Variants in GRIA1 observed in about 807,000 individuals in gnomAD.
GRIA1 encodes glutamate ionotropic receptor AMPA type subunit 1, also known as glutamate receptor 1.
In GRIA1, 31 loss-of-function variants were observed where a neutral mutation model predicts 99.2. The observed-to-expected ratio is 0.31, with a 90% CI of 0.23 to 0.42. The LOEUF (loss-of-function observed/expected upper bound fraction) is 0.42, where lower values mean the gene tolerates loss of function less well. Among genes scored for constraint, GRIA1 ranks in the 10% least tolerant of loss-of-function variants. The pLI, the probability that GRIA1 is intolerant of heterozygous loss-of-function variation, is 1.00. For synonymous variants in GRIA1, 438 were observed against 432.4 expected (o/e 1.01, Z -0.16); for missense variants, 782 against 1,157.5 (o/e 0.68, Z 4.71).
intron 7 of GRIA1, among the ~76,000 whole-genome samples, chr5:153,682,232 G>A (rs1256522525): frequency 6.6e-6 from 1 of 152,108 alleles, no homozygotes; most frequent in Non-Finnish European, 1.5e-5. Flanking sequence ...CAGCCAGTGA[G>A]CATCCAGGAG....
chr5:153,529,738 G>T (rs562611963), intron 2 of GRIA1, among the ~76,000 whole-genome samples: 1 of 152,060 alleles, frequency 6.6e-6, no homozygotes, highest in Non-Finnish European at 1.5e-5. Flanking sequence ...CCTGGCCTTG[G>T]GGTAAATGGA....
intron 2 of GRIA1, among the ~76,000 whole-genome samples, chr5:153,636,165 G>A (rs952502355): frequency 5.3e-5 from 8 of 152,152 alleles, no homozygotes; most frequent in African/African-American, 9.6e-5. Flanking sequence ...GGGCTCAGAC[G>A]TGTGTCCATC....
intron 5 of GRIA1, among the ~76,000 whole-genome samples, chr5:153,659,978 G>A (rs1755239141): frequency 6.6e-6 from 1 of 152,114 alleles, no homozygotes; most frequent in African/African-American, 2.4e-5. Flanking sequence ...ATTTCTGTAT[G>A]AATCATACTA....
chr5:153,662,903 C>T (rs189100804), intron 5 of GRIA1, among the ~76,000 whole-genome samples: 2 of 152,266 alleles, frequency 1.3e-5, no homozygotes, highest in Non-Finnish European at 2.9e-5. Context: ...ACTCTCTTTG[C>T]TGATGAAGCT....
Position 153,580,126 on chromosome 5 carries a change from G to C in GRIA1, c.221-66802G>C, listed in dbSNP as rs538125598. On this transcript the variant is annotated intron_variant, in intron 2 of 15. Coordinates refer to ENST00000285900, the MANE Select transcript of GRIA1 (RefSeq NM_000827.4). ...CTGTCTTTTAACCTCATATGTAGCT[G>C]GTGACTAAGGTGGATGGAGATAATG... Among the ~76,000 whole-genome samples, 6 of 152,296 alleles carry C rather than the reference G, an allele frequency of 3.9e-5. No individual in the cohort carries two copies. In the South Asian group the frequency reaches 1.2e-3, roughly 32 times the overall value.
chr5:153,668,357 C>A (rs1755899718), intron 5 of GRIA1, among the ~76,000 whole-genome samples: 1 of 152,032 alleles, frequency 6.6e-6, no homozygotes, highest in Non-Finnish European at 1.5e-5. Context: ...CCAGCCATCA[C>A]CTGATTTTAT....
intron 5 of GRIA1, among the ~76,000 whole-genome samples, chr5:153,674,241 T>A (rs2149484891): frequency 6.6e-6 from 1 of 152,378 alleles, no homozygotes; most frequent in Middle Eastern, 3.4e-3. Context: ...GTCAAGTAAC[T>A]TAGTTAATAG....
At chr5:153,669,511 C>A (rs1296719142) in intron 5 of GRIA1, among the ~76,000 whole-genome samples, 1 of 152,158 alleles carries the variant, frequency 6.6e-6, no homozygotes, top group Non-Finnish European at 1.5e-5. Flanking sequence ...CAACTTCTCT[C>A]CCCTGTCTTG....
chr5:153,713,379 G>T (rs533816493), intron 11 of GRIA1, among the ~76,000 whole-genome samples: 1 of 152,376 alleles, frequency 6.6e-6, no homozygotes, highest in East Asian at 1.9e-4. Flanking sequence ...AGTCATGGCA[G>T]GTGTGAAGTG....
chr5:153,680,853 C>A (rs1372780926), intron 7 of GRIA1, among the ~76,000 whole-genome samples: 2 of 152,138 alleles, frequency 1.3e-5, no homozygotes, highest in Non-Finnish European at 2.9e-5. Context: ...ATGTGACTGG[C>A]CTTTCAATAG....
In GRIA1 at chr5:153,674,669, G is replaced by T. The variant is rs776304349; in HGVS notation, c.861+8G>T. 1.9e-6 allele frequency: 3 copies of T among 1,613,370 alleles called. No individual in the cohort carries two copies. Among genetic ancestry groups the T allele is most frequent in the South Asian group, 2.2e-5 (2 of 91,016 alleles). ...GACTGGAAGAGACCCAAGGTGAGTGGATGGGCAGCCAGCAGCAAAGGGCCA... is the reference window on the plus strand; with the variant it reads ...GACTGGAAGAGACCCAAGGTGAGTGTATGGGCAGCCAGCAGCAAAGGGCCA... On this transcript the variant is annotated splice_region_variant and intron_variant, in intron 6 of 15. Transcript: ENST00000285900.
chr5:153,721,703 A>T (rs1191213215), intron 11 of GRIA1, among the ~76,000 whole-genome samples: 1 of 152,180 alleles, frequency 6.6e-6, no homozygotes, highest in African/African-American at 2.4e-5. Context: ...TAGTTCATTC[A>T]TTCTCATTAT....
intron 5 of GRIA1, among the ~76,000 whole-genome samples, chr5:153,672,176 C>T (rs907071189): frequency 6.7e-6 from 1 of 150,280 alleles, no homozygotes; most frequent in Non-Finnish European, 1.5e-5. Context: ...GTAGAACTCA[C>T]CTCAGGGTCA....
chr5:153,800,350 A>G (rs1348910616), intron 14 of GRIA1, among the ~76,000 whole-genome samples: 1 of 152,258 alleles, frequency 6.6e-6, no homozygotes, highest in Non-Finnish European at 1.5e-5. Flanking sequence ...CTCCAGAGGA[A>G]GAAATACATG....
chr5:153,679,346 G>A (rs1487139496), intron 7 of GRIA1, among the ~76,000 whole-genome samples: 3 of 152,164 alleles, frequency 2.0e-5, no homozygotes, highest in South Asian at 4.1e-4. Flanking sequence ...GGTTCAAATC[G>A]ATTCATTTTC....
chr5:153,675,197 A>C (rs1238752063), intron 6 of GRIA1, among the ~76,000 whole-genome samples: 1 of 152,224 alleles, frequency 6.6e-6, no homozygotes, highest in African/African-American at 2.4e-5. Context: ...TGGTGGTTCT[A>C]TTCTGGGCAG....
intron 2 of GRIA1, among the ~76,000 whole-genome samples, chr5:153,585,972 G>A (rs1714910609): frequency 6.6e-6 from 1 of 152,054 alleles, no homozygotes; most frequent in South Asian, 2.1e-4. Flanking sequence ...GTGGTGAGGA[G>A]GGGGAGTGTG....
In GRIA1 at chr5:153,764,629, C is replaced by T; in HGVS notation, c.2019C>T (p.Phe673=). Residue 673 remains phenylalanine (F), a synonymous_variant, in exon 12 of 16, where the codon TTC becomes TTT. Coordinates refer to ENST00000285900, the MANE Select transcript of GRIA1 (RefSeq NM_000827.4). ...TLEAGSTKEF[F]RRSKIAVFEK... ...AAGCAGGATCTACTAAGGAGTTCTTCAGGGTAGGGACATCCTTTGTCCCAA... is the reference window on the plus strand; with the variant it reads ...AAGCAGGATCTACTAAGGAGTTCTTTAGGGTAGGGACATCCTTTGTCCCAA... 6.2e-7 allele frequency: 1 copy of T among 1,610,444 alleles called. No individual in the cohort carries two copies. Among genetic ancestry groups the T allele is most frequent in the South Asian group, 1.1e-5 (1 of 90,970 alleles).
At chr5:153,494,705 A>G (rs1754243964) in intron 2 of GRIA1, among the ~76,000 whole-genome samples, 1 of 152,224 alleles carries the variant, frequency 6.6e-6, no homozygotes. Flanking sequence ...AATTGAATGC[A>G]TTGTAAAATG....
Sources: gnomAD v4.1 joint callset for allele counts (sites outside exome capture counted in the v4.1 genomes callset) on GRCh38, gnomAD v4.1.1 for gene constraint, MANE v1.5 for transcripts, NCBI Gene and HGNC (gene_info 2026-07-23, HGNC 2026-07-21) for gene names.